Variants in MALRD1 observed in about 807,000 individuals in gnomAD.
The protein encoded by MALRD1 is MAM and LDL receptor class A domain containing 1, also known as MAM and LDL-receptor class A domain-containing protein 1.
A neutral mutation model predicts 242.1 loss-of-function variants in MALRD1; 247 were observed. That is an observed-to-expected ratio of 1.02 (90% CI 0.92 to 1.13). The LOEUF (loss-of-function observed/expected upper bound fraction) is 1.13. Ranked by LOEUF, MALRD1 falls within the 50% of genes most tolerant of loss-of-function variation. The pLI, the probability that MALRD1 is intolerant of heterozygous loss-of-function variation, is 0.00. For synonymous variants in MALRD1, 995 were observed against 866.6 expected (o/e 1.15, Z -2.60); for missense variants, 2,989 against 2,533.1 (o/e 1.18, Z -3.86).
chr10:19,547,190 T>C (rs1564431010), intron 32 of MALRD1, among the ~76,000 whole-genome samples: 1 of 152,196 alleles, frequency 6.6e-6, no homozygotes, highest in Non-Finnish European at 1.5e-5. Flanking sequence ...TTCTAATTAC[T>C]TGGTCTCTTT....
At position 19,719,233 on chromosome 10, in the gene MALRD1, T is replaced by TACAC. The variant is rs1441655459; in HGVS notation, c.6315-11472_6315-11471insCACA. Among the ~76,000 whole-genome samples the TACAC allele has an allele frequency of 8.8e-4, 97 of 110,470 alleles. 3 individuals carry two copies. Among genetic ancestry groups the TACAC allele is most frequent in the African/African-American group, 3.4e-3 (89 of 25,970 alleles). The allele number at this position is 110,470 out of a possible 152,430, so 72.5% of individuals were successfully genotyped here. On this transcript the variant is annotated intron_variant, in intron 38 of 39. Transcript: ENST00000454679. Reference sequence around the variant, plus strand: ...ATATACACATACATACATATATATATATATATATATATATATATATATATA... The same window carrying TACAC: ...ATATACACATACATACATATATATATACACATATATATATATATATATATATATA...
rs1480664865 is a variant in MALRD1 at position 19,708,253 on chromosome 10, A to G, written c.6314+15699A>G. On this transcript the variant is annotated intron_variant, in intron 38 of 39. Transcript: ENST00000454679. ...AATCAGTTTTATCCAAACTTCTATCATTTATAGGCTACCCCCACAATTTAC... is the reference window on the plus strand; with the variant it reads ...AATCAGTTTTATCCAAACTTCTATCGTTTATAGGCTACCCCCACAATTTAC... Among the ~76,000 whole-genome samples the G allele has an allele frequency of 1.7e-5, 2 of 120,436 alleles. 1 individual carries two copies. Among genetic ancestry groups the G allele is most frequent in the Non-Finnish European group, 3.8e-5 (2 of 52,754 alleles). 79.0% of individuals were successfully genotyped at this position (120,436 alleles called of 152,430 possible).
chr10:19,701,184 AAG>A (rs1454484749), intron 38 of MALRD1, among the ~76,000 whole-genome samples: 4 of 152,030 alleles, frequency 2.6e-5, no homozygotes, highest in Admixed American at 6.6e-5. Flanking sequence ...AAAAGAGAGA[AAG>A]AGAGAGAGGA....
In MALRD1 at chr10:19,331,407, A is replaced by T. The variant is rs767552170; in HGVS notation, c.3726A>T (p.Gly1242=). ...CCAAACGTGGTATCAGTTACATAGG[A>T]GATGTAGCAGTGGATGATATTTCCT... ...FRAKRGISYI[G]DVAVDDISFQ... The change falls in exon 24 of 40, where the codon GGA becomes GGT. Residue 1242 remains glycine, a synonymous_variant. Transcript: ENST00000454679. 5 of 1,550,098 alleles carry T rather than the reference A, an allele frequency of 3.2e-6. No homozygotes were observed. The highest frequency in any genetic ancestry group is 3.5e-6 in the Non-Finnish European group (4 of 1,146,848).
intron 28 of MALRD1, among the ~76,000 whole-genome samples, chr10:19,412,256 A>C (rs887167437): frequency 6.6e-6 from 1 of 152,180 alleles, no homozygotes; most frequent in Non-Finnish European, 1.5e-5. Context: ...ACGCCATTGC[A>C]CTCCAGTCTG....
rs542612667 is a variant in MALRD1 at position 19,395,969 on chromosome 10, C to T, written c.4845+6360C>T. Among the ~76,000 whole-genome samples, 4 of 152,078 alleles carry T rather than the reference C, an allele frequency of 2.6e-5. No homozygotes were observed. In the East Asian group the frequency reaches 7.8e-4, roughly 30 times the overall value. ...CCTTAGTTTAATTTATCCCAGGAGC[C>T]CAGGAGTTTTTGCTTTACAGAGAAG... On this transcript the variant is annotated intron_variant, in intron 28 of 39. Transcript: ENST00000454679.
intron 32 of MALRD1, among the ~76,000 whole-genome samples, chr10:19,547,785 CATATATATATATATATATAT>C (rs1160775136): frequency 4.1e-3 from 67 of 16,202 alleles, no homozygotes; most frequent in South Asian, 5.0e-3. Flanking sequence ...TTCACAGATA[CATATATATATATATATATAT>C]ATATATATAT....
intron 4 of MALRD1, among the ~76,000 whole-genome samples, chr10:19,099,076 C>G (rs1836152137): frequency 6.6e-6 from 1 of 152,156 alleles, no homozygotes; most frequent in African/African-American, 2.4e-5. Context: ...CGTTTCTTTA[C>G]TGTGCATGTG....
chr10:19,199,626 C>T (rs1836430922), intron 14 of MALRD1, among the ~76,000 whole-genome samples: 1 of 151,998 alleles, frequency 6.6e-6, no homozygotes, highest in Non-Finnish European at 1.5e-5. Flanking sequence ...CATGGCAAAA[C>T]CCCATCTCTA....
intron 21 of MALRD1, among the ~76,000 whole-genome samples, chr10:19,289,100 C>T (rs1003977932): frequency 6.6e-6 from 1 of 151,712 alleles, no homozygotes; most frequent in African/African-American, 2.4e-5. Context: ...TGGGCTGCTT[C>T]TGACTCACAA....
At chr10:19,656,065 T>A (rs150926249) in intron 36 of MALRD1, among the ~76,000 whole-genome samples, 2 of 152,166 alleles carry the variant, frequency 1.3e-5, no homozygotes, top group Admixed American at 1.3e-4. Context: ...GAGTGAATAT[T>A]GGTAAAACAA....
At position 19,060,972 on chromosome 10, in the gene MALRD1, C is replaced by G. The variant is rs367622199; in HGVS notation, c.200-5747C>G. Among the ~76,000 whole-genome samples, 202 of 152,224 alleles carry G rather than the reference C, an allele frequency of 1.3e-3. 1 individual carries two copies. Among genetic ancestry groups the G allele is most frequent in the African/African-American group, 4.5e-3 (187 of 41,518 alleles). On this transcript the variant is annotated intron_variant, in intron 1 of 39. Coordinates refer to ENST00000454679, the MANE Select transcript of MALRD1 (RefSeq NM_001142308.3). ...AATGTGATCATGTCCTTTTCAGGGA[C>G]ATGGATGGAGCTGGAAGCCATTATC...
chr10:19,257,833 G>A, intron 19 of MALRD1, 62 bp downstream of exon 19: 1 of 1,120,850 alleles, frequency 8.9e-7, no homozygotes, highest in Non-Finnish European at 1.2e-6. Context: ...AAACTTGCAA[G>A]GAAATCAATA....
intron 18 of MALRD1, among the ~76,000 whole-genome samples, chr10:19,224,122 A>G (rs1461739327): frequency 1.3e-5 from 2 of 152,134 alleles, no homozygotes; most frequent in Non-Finnish European, 2.9e-5. Context: ...AGGAATTGCT[A>G]CACTGTCTTC....
chr10:19,319,245 T>C (rs569867071), intron 21 of MALRD1, among the ~76,000 whole-genome samples: 31 of 152,284 alleles, frequency 2.0e-4, no homozygotes, highest in African/African-American at 7.2e-4. Flanking sequence ...CAGGAAGGTA[T>C]TGTTATGTTA....
At chr10:19,237,485 C>T (rs1201104007) in intron 18 of MALRD1, among the ~76,000 whole-genome samples, 5 of 125,416 alleles carry the variant, frequency 4.0e-5, no homozygotes, top group Non-Finnish European at 1.6e-5. Context: ...TTTTTTATGG[C>T]TGAATAGTAT....
intron 36 of MALRD1, among the ~76,000 whole-genome samples, chr10:19,661,543 C>A (rs917112343): frequency 2.6e-5 from 4 of 152,180 alleles, no homozygotes; most frequent in Admixed American, 1.3e-4. Context: ...GGACAAAAAA[C>A]CAAACGCTGC....
chr10:19,207,846 A>T (rs1475644837), intron 17 of MALRD1, among the ~76,000 whole-genome samples: 2 of 152,150 alleles, frequency 1.3e-5, no homozygotes, highest in East Asian at 1.9e-4. Context: ...GAGATTAACA[A>T]CTACTAACAA....
intron 18 of MALRD1, among the ~76,000 whole-genome samples, chr10:19,242,413 A>G (rs905148191): frequency 2.6e-5 from 4 of 152,018 alleles, no homozygotes; most frequent in African/African-American, 7.2e-5. Flanking sequence ...ATCAGGTGAG[A>G]TCTTCTTTAC....
Sources: allele counts gnomAD v4.1 joint callset (sites outside exome capture counted in the v4.1 genomes callset), GRCh38; gene constraint gnomAD v4.1.1; transcripts MANE v1.5; gene names NCBI Gene and HGNC (gene_info 2026-07-23, HGNC 2026-07-21).